CFAP251: variants seen among roughly 807,000 people sequenced by gnomAD.
CFAP251 encodes the protein cilia and flagella associated protein 251.
A neutral mutation model predicts 126.7 loss-of-function variants in CFAP251; 93 were observed. That is an observed-to-expected ratio of 0.73 (90% CI 0.62 to 0.87). The LOEUF (loss-of-function observed/expected upper bound fraction) is 0.87. Ranked by LOEUF, CFAP251 falls within the 40% of genes least tolerant of loss-of-function variation. The probability of loss-of-function intolerance (pLI) is 0.00; values close to 1 mark genes in which losing one functional copy is unlikely to be tolerated. For missense variants in CFAP251, 1,287 were observed against 1,389.2 expected (o/e 0.93, Z 1.17); for synonymous variants, 503 against 506.9 (o/e 0.99, Z 0.10).
At chr12:121,988,563 T>C (rs148539318) in intron 19 of CFAP251, among the ~76,000 whole-genome samples, 2 of 152,190 alleles carry the variant, frequency 1.3e-5, no homozygotes, top group African/African-American at 2.4e-5. Context: ...CAGTCCTTCA[T>C]TCTTTTCTTT....
intron 5 of CFAP251, among the ~76,000 whole-genome samples, chr12:121,935,303 G>C (rs529105352): frequency 1.3e-5 from 2 of 152,248 alleles, no homozygotes; most frequent in South Asian, 4.1e-4. Flanking sequence ...TTTTAGAACA[G>C]TTTTAGATTT....
chr12:121,953,932 A>G, intron 9 of CFAP251, 188 bp from the exon 10 acceptor site: 1 of 610,840 alleles, frequency 1.6e-6, no homozygotes, highest in Non-Finnish European at 2.8e-6. Flanking sequence ...ACTTGCTCTT[A>G]GCAAACTTCC....
At chr12:121,936,680 T>C (rs1300703490) in intron 5 of CFAP251, among the ~76,000 whole-genome samples, 1 of 151,904 alleles carries the variant, frequency 6.6e-6, no homozygotes, top group East Asian at 1.9e-4. Flanking sequence ...CTGTAATCAA[T>C]GAGAATGCAG....
rs117493250 is a variant in CFAP251, at chr12:121,974,240, G to A, written c.2772-1004G>A. Among the ~76,000 whole-genome samples the A allele has an allele frequency of 5.3e-3, 802 of 152,196 alleles. 8 individuals carry two copies. Among genetic ancestry groups the A allele is most frequent in the East Asian group, 0.036 (185 of 5,180 alleles). ...ATGTGAGACATGCCTTTCACCTTGC[G>A]CCATAATTGTGAGTCCTCCCCAGCC... On this transcript the variant is annotated intron_variant, in intron 17 of 21. Transcript: ENST00000288912. This position sits in a 1 kb window ranked among gnomAD's most constrained non-coding sequence, Gnocchi z 4.6.
intron 17 of CFAP251, chr12:121,969,767 G>GCACCCAGC: frequency 1.0e-6 from 1 of 985,422 alleles, no homozygotes; most frequent in Non-Finnish European, 1.2e-6. Context: ...GTGAGCCACT[G>GCACCCAGC]CACCCAGCTA....
In CFAP251 at chr12:121,968,014, T is replaced by G. The variant is rs1672647964; in HGVS notation, c.2616T>G (p.Leu872=). 6 of 1,601,966 alleles carry G rather than the reference T, an allele frequency of 3.7e-6. No individual in the cohort carries two copies. Among genetic ancestry groups the G allele is most frequent in the Non-Finnish European group, 5.1e-6 (6 of 1,170,282 alleles). The change falls in exon 17 of 22, where the codon CTT becomes CTG. Residue 872 remains leucine, a synonymous_variant. Transcript: ENST00000288912. ...LVFINRDKVG[L]QILPVDGNPH... Reference sequence around the variant, plus strand: ...TATGTGTTCCTTTCTAGGTGGGACTTCAGATCTTACCAGTTGACGGCAATC... The same window carrying G: ...TATGTGTTCCTTTCTAGGTGGGACTGCAGATCTTACCAGTTGACGGCAATC...
chr12:121,986,076 C>T (rs914267718), intron 19 of CFAP251, among the ~76,000 whole-genome samples: 6 of 152,138 alleles, frequency 3.9e-5, no homozygotes, highest in Non-Finnish European at 7.4e-5. Context: ...ACTGCAACCT[C>T]CACCTCCTGG....
chr12:121,951,178 G>A (rs748715046), intron 8 of CFAP251: 5 of 200,286 alleles, frequency 2.5e-5, no homozygotes, highest in Admixed American at 5.6e-5. Context: ...CTGAGATCGC[G>A]CCACTGCACT....
chr12:121,987,401 A>C (rs1450091748), intron 19 of CFAP251, among the ~76,000 whole-genome samples: 3 of 152,210 alleles, frequency 2.0e-5, no homozygotes, highest in Admixed American at 1.3e-4. Flanking sequence ...TTGGATTACT[A>C]TGCAGCCATT....
At position 121,928,689 on chromosome 12, in the gene CFAP251, C is replaced by CGT. The variant is rs1491402170; in HGVS notation, c.748-3056_748-3055dup. On this transcript the variant is annotated intron_variant, in intron 3 of 21. Coordinates refer to ENST00000288912, the MANE Select transcript of CFAP251 (RefSeq NM_144668.6). The stretch of plus-strand genomic sequence containing the variant: ...ATATACGTATATATATATATATATA[C>CGT]GTATATATATATATATTTTTTTTTT... Among the ~76,000 whole-genome samples, 4 of 20,702 alleles carry CGT rather than the reference C, an allele frequency of 1.9e-4. No individual in the cohort carries two copies. In the East Asian group the frequency reaches 2.6e-3, roughly 13 times the overall value. 13.6% of individuals were successfully genotyped at this position (20,702 alleles called of 152,430 possible). A position where few individuals can be genotyped will look rare whatever the true frequency, so the allele number is the denominator to read the frequency against.
intron 5 of CFAP251, among the ~76,000 whole-genome samples, chr12:121,941,759 T>C (rs1881125850): frequency 6.6e-6 from 1 of 152,198 alleles, no homozygotes; most frequent in Non-Finnish European, 1.5e-5. Context: ...TGAATTTTCA[T>C]TGACCTTTGT....
chr12:121,938,911 C>T (rs976704703), intron 5 of CFAP251, among the ~76,000 whole-genome samples: 1 of 151,818 alleles, frequency 6.6e-6, no homozygotes, highest in Non-Finnish European at 1.5e-5. Flanking sequence ...CGCTTGAACC[C>T]AGGCGGCGGA....
chr12:121,960,454 G>A (rs919664645), intron 13 of CFAP251, 131 bp from the exon 14 acceptor site: 2 of 910,986 alleles, frequency 2.2e-6, no homozygotes, highest in African/African-American at 3.3e-5. Flanking sequence ...CCGACCTCAG[G>A]TGATCCACCC....
chr12:121,952,208 C>T (rs117525399), intron 9 of CFAP251, among the ~76,000 whole-genome samples: 5,290 of 139,668 alleles, frequency 0.038, 132 homozygotes, highest in Middle Eastern at 0.061. Context: ...TTGAGACCAG[C>T]CTGGGCAACA....
At position 121,962,041 on chromosome 12, in the gene CFAP251, G is replaced by T. The variant is rs202115965; in HGVS notation, c.2371G>T (p.Asp791Tyr). The T allele has an allele frequency of 6.2e-7, 1 of 1,613,792 alleles. No homozygotes were observed. The highest frequency in any genetic ancestry group is 8.5e-7 in the Non-Finnish European group (1 of 1,180,026). ...GGAAGTCCTGGACATTCACCACACCGACCAGGGCTGCTATCCCACCTGCAT... is the reference window on the plus strand; with the variant it reads ...GGAAGTCCTGGACATTCACCACACCTACCAGGGCTGCTATCCCACCTGCAT... ...HLEVLDIHHT[D>Y]QGCYPTCMVW... Residue 791 changes from aspartate to tyrosine, a missense_variant, in exon 15 of 22, where the codon GAC becomes TAC. Asp to Tyr is a radical substitution (Grantham distance 160, BLOSUM62 -3). Transcript: ENST00000288912.
chr12:121,994,835 T>C (rs1481474134), intron 19 of CFAP251, among the ~76,000 whole-genome samples: 1 of 130,434 alleles, frequency 7.7e-6, no homozygotes, highest in African/African-American at 3.0e-5. Flanking sequence ...GGCCGCAGGG[T>C]CCTCTGCCTA....
At chr12:121,995,762 A>G (rs1452471743) in intron 19 of CFAP251, among the ~76,000 whole-genome samples, 1 of 152,218 alleles carries the variant, frequency 6.6e-6, no homozygotes, top group Non-Finnish European at 1.5e-5. Flanking sequence ...CTGGGATTAT[A>G]GGCATGAGCC....
chr12:121,967,115 C>A, intron 16 of CFAP251, 46 bp downstream of exon 16: 3 of 1,537,806 alleles, frequency 2.0e-6, no homozygotes, highest in East Asian at 2.2e-5. Context: ...CTCTGTGTGT[C>A]ATGAGCAGCA....
intron 19 of CFAP251, chr12:121,992,096 C>T (rs1882889064): frequency 1.9e-6 from 1 of 525,942 alleles, no homozygotes; most frequent in Non-Finnish European, 2.4e-6. Flanking sequence ...CGTGAGAATG[C>T]CAATCAAAGG....
Sources: gnomAD v4.1 joint callset for allele counts (sites outside exome capture counted in the v4.1 genomes callset) on GRCh38, gnomAD v4.1.1 for gene constraint, Gnocchi (gnomAD v3.1) non-coding constraint, MANE v1.5 for transcripts, NCBI Gene and HGNC (gene_info 2026-07-23, HGNC 2026-07-21) for gene names.